RANBP3: variants seen among roughly 807,000 people sequenced by gnomAD.
RANBP3 encodes ran-binding protein 3.
A neutral mutation model predicts 77.3 loss-of-function variants in RANBP3; 14 were observed. The ratio of observed to expected loss-of-function variants is 0.18; its 90% confidence interval spans 0.12 to 0.28. RANBP3 has a LOEUF of 0.28. Ranked by LOEUF, RANBP3 falls within the 10% of genes least tolerant of loss-of-function variation. The probability of loss-of-function intolerance (pLI) is 1.00; values close to 1 mark genes in which losing one functional copy is unlikely to be tolerated. For missense variants in RANBP3, 586 were observed against 752.3 expected, an observed-to-expected ratio of 0.78 and a Z score of 2.59; for synonymous variants, 315 against 312.4, an observed-to-expected ratio of 1.01 and a Z score of -0.09.
intron 1 of RANBP3, among the ~76,000 whole-genome samples, chr19:5,960,462 T>C (rs2058386158): frequency 6.6e-6 from 1 of 152,178 alleles, no homozygotes; most frequent in Non-Finnish European, 1.5e-5. Context: ...TCCATATTGA[T>C]GGGTTTATGG....
rs144961717 is a variant in RANBP3, at chr19:5,963,406, C to T, written c.23-5433G>A. Among the ~76,000 whole-genome samples the T allele has an allele frequency of 1.5e-4, 23 of 152,154 alleles. No individual in the cohort carries two copies. In the East Asian group the frequency reaches 4.3e-3, roughly 28 times the overall value. ...ATTTCTACAAAAAACAAACAAATAG[C>T]CAGGCATGGTGGCGCACTCCTGTAG... On this transcript the variant is annotated intron_variant, in intron 1 of 16. Transcript: ENST00000340578.
chr19:5,920,988 G>A (rs1039700293), intron 14 of RANBP3: 2 of 424,692 alleles, frequency 4.7e-6, no homozygotes, highest in Non-Finnish European at 8.2e-6. Context: ...GGTCACGGAC[G>A]AGCTGGCAGC....
rs2057824139 is a variant in RANBP3 at position 5,921,806 on chromosome 19, G to C, written c.1210-485C>G. 6.6e-6 allele frequency among the ~76,000 whole-genome samples: 1 copy of C among 152,250 alleles called. No homozygotes were observed. Among genetic ancestry groups the C allele is most frequent in the South Asian group, 2.1e-4 (1 of 4,832 alleles). On this transcript the variant is annotated intron_variant, in intron 13 of 16. Coordinates refer to ENST00000340578, the MANE Select transcript of RANBP3 (RefSeq NM_007322.3). The surrounding 1 kb of genome is among the most constrained non-coding windows in gnomAD (Gnocchi z 5.3). ...GTGCACAGCACCATCATTCACGGTA[G>C]CCAAGTCTCAAGGAGGAATGGAGTG...
At chr19:5,926,150 G>C (rs935165033) in intron 9 of RANBP3, among the ~76,000 whole-genome samples, 1 of 152,180 alleles carries the variant, frequency 6.6e-6, no homozygotes, top group African/African-American at 2.4e-5. Context: ...GCTATGCTGA[G>C]TCTGTCAAAT....
At chr19:5,935,483 T>G (rs1470548427) in intron 5 of RANBP3, among the ~76,000 whole-genome samples, 1 of 152,274 alleles carries the variant, frequency 6.6e-6, no homozygotes, top group African/African-American at 2.4e-5. Flanking sequence ...AGATACATTT[T>G]TAAAAGGTCA....
At chr19:5,964,684 C>T (rs1326481228) in intron 1 of RANBP3, among the ~76,000 whole-genome samples, 1 of 152,060 alleles carries the variant, frequency 6.6e-6, no homozygotes, top group African/African-American at 2.4e-5. Flanking sequence ...AGCATTTGGC[C>T]ACATGACCGG....
chr19:5,943,143 T>C (rs1463103390), intron 3 of RANBP3, among the ~76,000 whole-genome samples: 2 of 152,186 alleles, frequency 1.3e-5, no homozygotes, highest in Admixed American at 6.5e-5. Context: ...TGAGGGCCGC[T>C]CCTCCTGGCG....
rs778358927 is a variant in RANBP3 at position 5,923,261 on chromosome 19, G to A, written c.1142C>T (p.Ala381Val). 15 of 1,614,072 alleles carry A rather than the reference G, an allele frequency of 9.3e-6. No individual in the cohort carries two copies. Among genetic ancestry groups the A allele is most frequent in the African/African-American group, 2.7e-5 (2 of 74,914 alleles). ...CACTTTTTCCAACAAACACTTCCGC[G>A]CTGTTGCCTTGGTGTAGGCGGCTGC... is the stretch of plus-strand genomic sequence containing the variant. Reference protein sequence around the residue: ...ESAAAYTKATARKCLLEKVEV... With the variant: ...ESAAAYTKATVRKCLLEKVEV... The change falls in exon 13 of 17, where the codon GCG becomes GTG. Residue 381 changes from alanine (A) to valine (V), a missense_variant. This residue lies in a region of RANBP3 where 51 missense variants were observed against 123.2 expected (regional missense o/e 0.41). Coordinates refer to ENST00000340578, the MANE Select transcript of RANBP3 (RefSeq NM_007322.3).
intron 3 of RANBP3, among the ~76,000 whole-genome samples, chr19:5,942,601 T>G (rs1394797823): frequency 6.7e-6 from 1 of 149,924 alleles, no homozygotes; most frequent in Non-Finnish European, 1.5e-5. Flanking sequence ...AGCTACAGGC[T>G]GAGGCACAAG....
At chr19:5,927,887 A>G in intron 9 of RANBP3, 81 bp downstream of exon 9, 1 of 1,523,872 alleles carries the variant, frequency 6.6e-7, no homozygotes, top group East Asian at 2.3e-5. Flanking sequence ...CCCCTGTTAA[A>G]AGGAAAATCT....
chr19:5,947,619 G>C (rs1456454859), intron 3 of RANBP3, among the ~76,000 whole-genome samples: 2 of 152,202 alleles, frequency 1.3e-5, no homozygotes, highest in Non-Finnish European at 2.9e-5. Flanking sequence ...TTGTCTCTCT[G>C]GCACTGGGAC....
chr19:5,967,025 G>T (rs543968550), intron 1 of RANBP3, among the ~76,000 whole-genome samples: 88 of 152,352 alleles, frequency 5.8e-4, no homozygotes, highest in African/African-American at 2.0e-3. Context: ...ATTATAAACA[G>T]TTCTGTGCCA....
chr19:5,917,684 T>G (rs545561175), intron 16 of RANBP3, 31 bp from the exon 17 acceptor site: 2 of 1,602,678 alleles, frequency 1.2e-6, no homozygotes, highest in Non-Finnish European at 1.7e-6. Flanking sequence ...CGCATCAGGA[T>G]GGAGCCCGCA....
At chr19:5,931,262 C>T (rs1443611719) in intron 8 of RANBP3, 142 bp downstream of exon 8, 6 of 923,112 alleles carry the variant, frequency 6.5e-6, no homozygotes, top group Non-Finnish European at 9.1e-6. Context: ...CTGAGCAAAT[C>T]CAGAGAGCCT....
chr19:5,928,600 G>A (rs1015608962), intron 8 of RANBP3, among the ~76,000 whole-genome samples: 1 of 151,976 alleles, frequency 6.6e-6, no homozygotes, highest in South Asian at 2.1e-4. Flanking sequence ...GTGTGTGTGT[G>A]TATGTGTGGT....
chr19:5,977,407 G>A (rs2058606308), intron 1 of RANBP3, among the ~76,000 whole-genome samples: 1 of 152,142 alleles, frequency 6.6e-6, no homozygotes, highest in African/African-American at 2.4e-5. Context: ...CAGCAAAAAG[G>A]GCCAAAGAGC....
rs190536193 is a variant in RANBP3 at position 5,921,791 on chromosome 19, C to G, written c.1210-470G>C. The stretch of plus-strand genomic sequence containing the variant: ...AGATCGCACATGAACGTGCACAGCA[C>G]CATCATTCACGGTAGCCAAGTCTCA... On this transcript the variant is annotated intron_variant, in intron 13 of 16. Coordinates refer to ENST00000340578, the MANE Select transcript of RANBP3 (RefSeq NM_007322.3). The surrounding 1 kb of genome is among the most constrained non-coding windows in gnomAD (Gnocchi z 5.3). Among the ~76,000 whole-genome samples the G allele has an allele frequency of 3.9e-5, 6 of 152,302 alleles. No individual in the cohort carries two copies. The East Asian group carries it at 1.2e-3, about 29-fold the overall frequency.
chr19:5,975,371 T>C (rs1167699686), intron 1 of RANBP3, among the ~76,000 whole-genome samples: 3 of 152,146 alleles, frequency 2.0e-5, no homozygotes, highest in Non-Finnish European at 2.9e-5. Context: ...AGTTCAACTA[T>C]CCCATTTACA....
chr19:5,928,613 G>GT (rs1287400567), intron 8 of RANBP3, among the ~76,000 whole-genome samples: 8 of 152,014 alleles, frequency 5.3e-5, no homozygotes, highest in African/African-American at 1.9e-4. Flanking sequence ...TGTGTGGTGT[G>GT]TATGTGTGTT....
Sources: gnomAD v4.1 joint callset for allele counts (sites outside exome capture counted in the v4.1 genomes callset) on GRCh38, gnomAD v4.1.1 for gene constraint, gnomAD v4.1.1 regional missense constraint, Gnocchi (gnomAD v3.1) non-coding constraint, MANE v1.5 for transcripts, NCBI Gene and HGNC (gene_info 2026-07-23, HGNC 2026-07-21) for gene names.